FRAS1: variants seen among roughly 807,000 people sequenced by gnomAD.
FRAS1 encodes the protein Fraser extracellular matrix complex subunit 1.
A neutral mutation model predicts 435.2 loss-of-function variants in FRAS1; 290 were observed. That is an observed-to-expected ratio of 0.67 (90% CI 0.61 to 0.73). The LOEUF is 0.73. FRAS1 is among the 30% of genes least tolerant of loss of function. FRAS1 has a pLI of 0.00. For missense variants in FRAS1, 4,860 were observed against 5,001.5 expected, an observed-to-expected ratio of 0.97 and a Z score of 0.85; for synonymous variants, 1,800 against 1,851.0, an observed-to-expected ratio of 0.97 and a Z score of 0.71.
At chr4:78,206,473 G>T (rs1413883094) in intron 2 of FRAS1, among the ~76,000 whole-genome samples, 1 of 152,090 alleles carries the variant, frequency 6.6e-6, no homozygotes, top group African/African-American at 2.4e-5. Context: ...ACATTTTTTG[G>T]TGTTTTCAGC....
At chr4:78,181,104 C>G in intron 2 of FRAS1, 4 of 1,565,414 alleles carry the variant, frequency 2.6e-6, no homozygotes, top group Non-Finnish European at 3.5e-6. Context: ...AGCCTCTTCA[C>G]TCTTTGATTT....
intron 2 of FRAS1, among the ~76,000 whole-genome samples, chr4:78,167,432 C>G (rs904779714): frequency 6.6e-6 from 1 of 151,980 alleles, no homozygotes; most frequent in Admixed American, 6.5e-5. Context: ...ATAGAACATT[C>G]TTTTTCTGTA....
chr4:78,283,153 A>C (rs1225698112), intron 12 of FRAS1, among the ~76,000 whole-genome samples, 186 bp downstream of exon 12: 2 of 152,246 alleles, frequency 1.3e-5, no homozygotes, highest in East Asian at 3.8e-4. Context: ...TGCCAAACTC[A>C]ACAGATTATG....
At chr4:78,388,332 A>AG (rs1732306551) in intron 29 of FRAS1, among the ~76,000 whole-genome samples, 1 of 89,982 alleles carries the variant, frequency 1.1e-5, no homozygotes, top group East Asian at 2.3e-4. Context: ...CTCAAAAACC[A>AG]AAAAAAAAAA....
At position 78,461,345 on chromosome 4, in the gene FRAS1, C is replaced by G. The variant is rs565663314; in HGVS notation, c.6764-2676C>G. Reference sequence around the variant, plus strand: ...CTAGATAAGTTTTACAAAAAGTGCTCCTAGCAGGCATAAACTTTGAAATTA... The same window carrying G: ...CTAGATAAGTTTTACAAAAAGTGCTGCTAGCAGGCATAAACTTTGAAATTA... On this transcript the variant is annotated intron_variant, in intron 47 of 73. Coordinates refer to ENST00000512123, the MANE Select transcript of FRAS1 (RefSeq NM_025074.7). 6.6e-5 allele frequency among the ~76,000 whole-genome samples: 10 copies of G among 152,254 alleles called. 1 individual carries two copies. In the South Asian group the frequency reaches 2.1e-3, roughly 32 times the overall value.
At chr4:78,120,353 C>G (rs1002814927) in intron 2 of FRAS1, among the ~76,000 whole-genome samples, 23 of 152,208 alleles carry the variant, frequency 1.5e-4, no homozygotes, top group Admixed American at 1.5e-3. Flanking sequence ...ATGGGCTTAT[C>G]TCTGAGGTTT....
chr4:78,536,191 A>ATTTTT (rs11355997), intron 71 of FRAS1, among the ~76,000 whole-genome samples: 3 of 103,986 alleles, frequency 2.9e-5, no homozygotes, highest in Non-Finnish European at 3.8e-5. Flanking sequence ...TTGTACATGG[A>ATTTTT]TTTTTTTTTT....
chr4:78,362,032 T>C (rs145336371), intron 20 of FRAS1, among the ~76,000 whole-genome samples: 238 of 152,324 alleles, frequency 1.6e-3, no homozygotes, highest in African/African-American at 5.5e-3. Flanking sequence ...AAGTTCTTTA[T>C]TAAAGAATGA....
intron 2 of FRAS1, among the ~76,000 whole-genome samples, chr4:78,139,528 C>T (rs1386129486): frequency 1.3e-5 from 2 of 152,116 alleles, no homozygotes; most frequent in African/African-American, 2.4e-5. Flanking sequence ...CTCTTACTTC[C>T]ACCGGTTTAC....
intron 2 of FRAS1, among the ~76,000 whole-genome samples, chr4:78,230,134 A>G (rs1253562925): frequency 6.6e-6 from 1 of 152,216 alleles, no homozygotes; most frequent in Non-Finnish European, 1.5e-5. Context: ...CAGGTTTATC[A>G]TTTTAAGACA....
At chr4:78,126,702 A>G (rs1165106765) in intron 2 of FRAS1, among the ~76,000 whole-genome samples, 2 of 152,162 alleles carry the variant, frequency 1.3e-5, no homozygotes, top group Admixed American at 1.3e-4. Context: ...AATCCAGCAT[A>G]TTGTACAATT....
chr4:78,515,503 C>T (rs1021047343), intron 65 of FRAS1, among the ~76,000 whole-genome samples: 28 of 152,276 alleles, frequency 1.8e-4, no homozygotes, highest in African/African-American at 6.0e-4. Context: ...AGAGAGTTTT[C>T]CTTTCCAAGT....
chr4:78,158,004 TTC>T (rs1161129753), intron 2 of FRAS1, among the ~76,000 whole-genome samples: 7 of 152,168 alleles, frequency 4.6e-5, no homozygotes, highest in Non-Finnish European at 1.0e-4. Context: ...TATTTCCAAA[TTC>T]TCTGTTTGGT....
At position 78,115,623 on chromosome 4, in the gene FRAS1, G is replaced by A. The variant is rs191787014; in HGVS notation, c.108+49607G>A. ...TTTTCTAGTTTGTTTGTGTAGAGGTGTTTATAGTATTCTCTGATGGTAGTT... is the reference window on the plus strand; with the variant it reads ...TTTTCTAGTTTGTTTGTGTAGAGGTATTTATAGTATTCTCTGATGGTAGTT... On this transcript the variant is annotated intron_variant, in intron 2 of 73. Transcript: ENST00000512123. Among the ~76,000 whole-genome samples, 33 of 152,246 alleles carry A rather than the reference G, an allele frequency of 2.2e-4. No homozygotes were observed. In the East Asian group the frequency reaches 5.0e-3, roughly 23 times the overall value.
In FRAS1 at chr4:78,464,528, G is replaced by A; in HGVS notation, c.6974G>A (p.Gly2325Asp). The A allele has an allele frequency of 1.9e-6, 3 of 1,613,946 alleles. No homozygotes were observed. Among genetic ancestry groups the A allele is most frequent in the Non-Finnish European group, 2.5e-6 (3 of 1,179,846 alleles). The change falls in exon 49 of 74, where the codon GGC (glycine) becomes GAC (aspartate). Residue 2325 changes from glycine (G) to aspartate (D), a missense_variant. Physicochemically the swap from Gly to Asp is moderately conservative, Grantham distance 94. Transcript: ENST00000512123. ...AACTTAGGAATGCGGGTGCAGGAGGGCATGAGGAAGACCATCACAGAGTTT... is the reference window on the plus strand; with the variant it reads ...AACTTAGGAATGCGGGTGCAGGAGGACATGAGGAAGACCATCACAGAGTTT... Reference protein sequence around the residue: ...VQNLGMRVQEGMRKTITEFEL... With the variant: ...VQNLGMRVQEDMRKTITEFEL...
chr4:78,377,921 G>A (rs1194659920), intron 26 of FRAS1, among the ~76,000 whole-genome samples: 2 of 152,094 alleles, frequency 1.3e-5, no homozygotes, highest in African/African-American at 4.8e-5. Flanking sequence ...TTATTATTGA[G>A]ATGTAATTTA....
chr4:78,144,063 AAC>A (rs1451711053), intron 2 of FRAS1, among the ~76,000 whole-genome samples: 1 of 152,004 alleles, frequency 6.6e-6, no homozygotes, highest in Admixed American at 6.6e-5. Context: ...TCACAAGAGA[AAC>A]ATTTTGAGCA....
intron 2 of FRAS1, among the ~76,000 whole-genome samples, chr4:78,078,698 A>G (rs1356257136): frequency 6.6e-6 from 1 of 152,116 alleles, no homozygotes; most frequent in Non-Finnish European, 1.5e-5. Context: ...AAAATAATTC[A>G]TGTAAGTATT....
chr4:78,060,572 A>G (rs1739710668), intron 1 of FRAS1, among the ~76,000 whole-genome samples: 1 of 152,212 alleles, frequency 6.6e-6, no homozygotes, highest in African/African-American at 2.4e-5. Flanking sequence ...CCTAGTATAC[A>G]CTAAGTGCTC....
Sources: gnomAD v4.1 joint callset for allele counts (sites outside exome capture counted in the v4.1 genomes callset) on GRCh38, gnomAD v4.1.1 for gene constraint, MANE v1.5 for transcripts, NCBI Gene and HGNC (gene_info 2026-07-23, HGNC 2026-07-21) for gene names.